Variants in ATXN7L1 observed in about 807,000 individuals in gnomAD.
The protein encoded by ATXN7L1 is ataxin-7-like protein 1.
Under a neutral mutation model 70.8 loss-of-function variants are expected in ATXN7L1, and 15 were observed. The ratio of observed to expected loss-of-function variants is 0.21; its 90% confidence interval spans 0.14 to 0.33. The LOEUF (loss-of-function observed/expected upper bound fraction) is 0.33. Ranked by LOEUF, ATXN7L1 falls within the 10% of genes least tolerant of loss-of-function variation. ATXN7L1 has a pLI of 1.00. For synonymous variants in ATXN7L1, 440 were observed against 445.1 expected, an observed-to-expected ratio of 0.99 and a Z score of 0.14; for missense variants, 975 against 1,097.1, an observed-to-expected ratio of 0.89 and a Z score of 1.57.
chr7:105,741,136 G>A (rs193292982), intron 3 of ATXN7L1, among the ~76,000 whole-genome samples: 13 of 152,236 alleles, frequency 8.5e-5, no homozygotes, highest in South Asian at 2.1e-4. Flanking sequence ...CCAAGTTCAC[G>A]CGGCTGGGCT....
Position 105,625,024 on chromosome 7 carries a change from T to A in ATXN7L1, c.1203-757A>T, listed in dbSNP as rs529690617. ...AGGAAGATCAACCAGGTAAACAAGA[T>A]CAGGGCAATCACCAAAAATATCAGT... On this transcript the variant is annotated intron_variant, in intron 7 of 11. Coordinates refer to ENST00000419735, the MANE Select transcript of ATXN7L1 (RefSeq NM_020725.2). Among the ~76,000 whole-genome samples the A allele has an allele frequency of 8.5e-5, 13 of 152,292 alleles. No individual in the cohort carries two copies. In the South Asian group the frequency reaches 2.3e-3, roughly 27 times the overall value.
intron 3 of ATXN7L1, among the ~76,000 whole-genome samples, chr7:105,754,422 G>A (rs1799561641): frequency 6.6e-6 from 1 of 150,860 alleles, no homozygotes; most frequent in Non-Finnish European, 1.5e-5. Context: ...TTAAGAGACA[G>A]AGTCTCACTC....
intron 2 of ATXN7L1, among the ~76,000 whole-genome samples, chr7:105,870,313 G>T (rs1209613516): frequency 6.6e-6 from 1 of 151,120 alleles, no homozygotes; most frequent in East Asian, 1.9e-4. Flanking sequence ...GATATCCATA[G>T]AAATTGTTTC....
intron 7 of ATXN7L1, 52 bp from the exon 8 acceptor site, chr7:105,624,319 A>C: frequency 7.6e-7 from 1 of 1,314,414 alleles, no homozygotes; most frequent in Non-Finnish European, 9.8e-7. Flanking sequence ...ACCTTTTCTG[A>C]GGTAACAAGA....
intron 9 of ATXN7L1, chr7:105,618,137 A>C (rs1342365282): frequency 2.2e-6 from 1 of 449,290 alleles, no homozygotes; most frequent in East Asian, 7.0e-5. Flanking sequence ...CTGACAGGAC[A>C]CCAGGGAGTG....
intron 3 of ATXN7L1, among the ~76,000 whole-genome samples, chr7:105,781,406 A>C (rs921358674): frequency 2.0e-5 from 3 of 152,216 alleles, no homozygotes; most frequent in Non-Finnish European, 4.4e-5. Flanking sequence ...AAAAGTAATA[A>C]AAAATTTTTT....
Position 105,664,575 on chromosome 7 carries a change from G to GTGTGTGTATATA in ATXN7L1, c.578+490_578+491insTATATACACACA. 6.4e-3 allele frequency among the ~76,000 whole-genome samples: 848 copies of GTGTGTGTATATA among 131,970 alleles called. 25 individuals carry two copies. The highest frequency in any genetic ancestry group is 0.022 in the African/African-American group (791 of 35,398). The allele number at this position is 131,970 out of a possible 152,430, so 86.6% of individuals were successfully genotyped here. A position where few individuals can be genotyped will look rare whatever the true frequency, so the allele number is the denominator to read the frequency against. ...ACATATATATATTATGTATGTGTGT[G>GTGTGTGTATATA]TATATATATATATTTGAGACAGAGT... On this transcript the variant is annotated intron_variant, in intron 4 of 11. Transcript: ENST00000419735.
At chr7:105,699,665 T>C (rs1387808095) in intron 3 of ATXN7L1, among the ~76,000 whole-genome samples, 1 of 152,174 alleles carries the variant, frequency 6.6e-6, no homozygotes, top group East Asian at 1.9e-4. Flanking sequence ...ATAATACTTA[T>C]CTTCACTACC....
Position 105,642,961 on chromosome 7 carries a change from A to C in ATXN7L1, c.739T>G (p.Ser247Ala). 6.4e-7 allele frequency: 1 copy of C among 1,551,746 alleles called. No homozygotes were observed. Reference protein sequence around the residue: ...TPPLIKPVLMSKSVPPSPEKI... With the variant: ...TPPLIKPVLMAKSVPPSPEKI... ...TCTGGTGAAGGTGGCACTGACTTGG[A>C]CATCAGGACAGGCTTAATTAAAGGA... The change falls in exon 5 of 12, where the codon TCC (serine) becomes GCC (alanine). Residue 247 changes from serine (S) to alanine (A), a missense_variant. Coordinates refer to ENST00000419735, the MANE Select transcript of ATXN7L1 (RefSeq NM_020725.2).
intron 3 of ATXN7L1, among the ~76,000 whole-genome samples, chr7:105,727,763 T>C (rs1451209702): frequency 2.1e-5 from 2 of 93,394 alleles, no homozygotes; most frequent in Non-Finnish European, 4.2e-5. Flanking sequence ...TATATATATA[T>C]ATATATATAT....
intron 10 of ATXN7L1, chr7:105,613,397 G>C (rs996720734): frequency 3.7e-6 from 3 of 807,350 alleles, no homozygotes; most frequent in Non-Finnish European, 4.5e-6. Flanking sequence ...CTCCCAGGTG[G>C]GACCCTGGGT....
intron 2 of ATXN7L1, among the ~76,000 whole-genome samples, chr7:105,872,331 T>A (rs991112009): frequency 6.6e-6 from 1 of 152,100 alleles, no homozygotes; most frequent in African/African-American, 2.4e-5. Context: ...CAGCCTAACT[T>A]CTCTTCCTGA....
rs780191628 is a variant in ATXN7L1, at chr7:105,662,102, TTTTC to T, written c.578+2960_578+2963del. Among the ~76,000 whole-genome samples, 61 of 142,168 alleles carry T rather than the reference TTTTC, an allele frequency of 4.3e-4. 2 individuals are homozygous for T. Among genetic ancestry groups the T allele is most frequent in the Admixed American group, 9.4e-4 (13 of 13,784 alleles). The allele number at this position is 142,168 out of a possible 152,430, so 93.3% of individuals were successfully genotyped here. A position where few individuals can be genotyped will look rare whatever the true frequency, so the allele number is the denominator to read the frequency against. On this transcript the variant is annotated intron_variant, in intron 4 of 11. Coordinates refer to ENST00000419735, the MANE Select transcript of ATXN7L1 (RefSeq NM_020725.2). The stretch of plus-strand genomic sequence containing the variant: ...TCCTTCTTTCTTTTCTTTTCTTTTC[TTTTC>T]TTTTTTTTTTTTTTAAGCCAGAGTC...
At chr7:105,848,653 G>A (rs1814421876) in intron 2 of ATXN7L1, among the ~76,000 whole-genome samples, 1 of 152,206 alleles carries the variant, frequency 6.6e-6, no homozygotes, top group South Asian at 2.1e-4. Flanking sequence ...GTTAATTCCA[G>A]ATGACAGGGG....
chr7:105,784,028 C>G (rs1036236350), intron 3 of ATXN7L1, among the ~76,000 whole-genome samples: 4 of 152,168 alleles, frequency 2.6e-5, no homozygotes, highest in Non-Finnish European at 5.9e-5. Context: ...GTGGCACCAT[C>G]ATAGCTCACT....
At chr7:105,635,844 G>GTTT (rs202036365) in intron 7 of ATXN7L1, among the ~76,000 whole-genome samples, 6 of 140,208 alleles carry the variant, frequency 4.3e-5, no homozygotes, top group Admixed American at 7.2e-5. Flanking sequence ...ATGTGCGATA[G>GTTT]TTTTTTTTTT....
chr7:105,827,720 A>C (rs890721563), intron 2 of ATXN7L1, among the ~76,000 whole-genome samples: 5 of 152,144 alleles, frequency 3.3e-5, no homozygotes, highest in African/African-American at 1.2e-4. Context: ...TAATTTTTTC[A>C]ACAACCCTAT....
intron 3 of ATXN7L1, among the ~76,000 whole-genome samples, chr7:105,675,906 C>A (rs1200050578): frequency 6.9e-6 from 1 of 145,558 alleles, no homozygotes; most frequent in African/African-American, 2.5e-5. Flanking sequence ...TTTTTCTTAG[C>A]ATTTCCTTGG....
chr7:105,671,927 T>G (rs1335112556), intron 3 of ATXN7L1, among the ~76,000 whole-genome samples: 1 of 150,858 alleles, frequency 6.6e-6, no homozygotes, highest in Non-Finnish European at 1.5e-5. Context: ...AATTTTTTTT[T>G]CTTATGTGCC....
Sources: allele counts gnomAD v4.1 joint callset (sites outside exome capture counted in the v4.1 genomes callset), GRCh38; gene constraint gnomAD v4.1.1; transcripts MANE v1.5; gene names NCBI Gene and HGNC (gene_info 2026-07-23, HGNC 2026-07-21).